ADAMTS17: variants seen among roughly 807,000 people sequenced by gnomAD.
ADAMTS17 encodes the protein A disintegrin and metalloproteinase with thrombospondin motifs 17.
In ADAMTS17, 113 loss-of-function variants were observed where a neutral mutation model predicts 141.5. The observed-to-expected ratio is 0.80, with a 90% CI of 0.69 to 0.93. The LOEUF is 0.93. Ranked by LOEUF, ADAMTS17 falls within the 40% of genes least tolerant of loss-of-function variation. The pLI is 0.00. For synonymous variants in ADAMTS17, 768 were observed against 630.6 expected, an observed-to-expected ratio of 1.22 and a Z score of -3.27; for missense variants, 1,659 against 1,517.9, an observed-to-expected ratio of 1.09 and a Z score of -1.54.
chr15:100,325,054 C>T (rs1203137099), intron 3 of ADAMTS17, among the ~76,000 whole-genome samples: 1 of 152,174 alleles, frequency 6.6e-6, no homozygotes, highest in East Asian at 1.9e-4. Context: ...CTTCTAGTTT[C>T]CTGTAAATGT....
At chr15:100,066,531 G>A (rs2033542770) in intron 15 of ADAMTS17, among the ~76,000 whole-genome samples, 1 of 152,040 alleles carries the variant, frequency 6.6e-6, no homozygotes, top group Non-Finnish European at 1.5e-5. Context: ...GTCCTTTAGT[G>A]TAGGTCTCTT....
intron 3 of ADAMTS17, chr15:100,306,047 G>A (rs980607066): frequency 6.2e-6 from 1 of 160,582 alleles, no homozygotes; most frequent in African/African-American, 2.4e-5. Flanking sequence ...AATGTCCAAA[G>A]CTGGGCTGAA....
intron 8 of ADAMTS17, among the ~76,000 whole-genome samples, chr15:100,156,898 G>T (rs1314808082): frequency 6.6e-6 from 1 of 152,232 alleles, no homozygotes; most frequent in Non-Finnish European, 1.5e-5. Context: ...TGAGGAAAGT[G>T]TATTAGTCCA....
intron 6 of ADAMTS17, among the ~76,000 whole-genome samples, chr15:100,259,431 G>T (rs2043439917): frequency 6.6e-6 from 1 of 152,232 alleles, no homozygotes; most frequent in South Asian, 2.1e-4. Context: ...CCTCTGGCCA[G>T]TGAGTGTGGG....
chr15:100,123,124 C>T (rs4316738), intron 12 of ADAMTS17, among the ~76,000 whole-genome samples: 71,750 of 151,994 alleles, frequency 0.47, 18,279 homozygotes, highest in Non-Finnish European at 0.56. Flanking sequence ...GAAGCCTGAA[C>T]TGTGTGGACA....
chr15:100,258,654 G>A (rs1349222385), intron 6 of ADAMTS17, among the ~76,000 whole-genome samples: 2 of 33,530 alleles, frequency 6.0e-5, no homozygotes, highest in African/African-American at 2.9e-4. Flanking sequence ...CTGCCCCCAC[G>A]ATTCTATTGG....
intron 12 of ADAMTS17, among the ~76,000 whole-genome samples, chr15:100,126,781 G>T (rs1365660786): frequency 1.3e-5 from 2 of 152,204 alleles, no homozygotes; most frequent in Non-Finnish European, 2.9e-5. Context: ...TGGAGTGGCC[G>T]CTCTGCTGTG....
chr15:100,254,331 G>C, intron 6 of ADAMTS17, 152 bp from the exon 7 acceptor site: 1 of 733,044 alleles, frequency 1.4e-6, no homozygotes, highest in Non-Finnish European at 2.3e-6. Context: ...GCAGCGTTTG[G>C]CAACAGTAAT....
At chr15:100,167,393 G>A (rs182440923) in intron 8 of ADAMTS17, among the ~76,000 whole-genome samples, 2 of 152,278 alleles carry the variant, frequency 1.3e-5, no homozygotes, top group East Asian at 1.9e-4. Flanking sequence ...GACTCTTCAC[G>A]TGATCTTAAT....
At chr15:100,100,812 C>T (rs1466008930) in intron 14 of ADAMTS17, among the ~76,000 whole-genome samples, 1 of 152,152 alleles carries the variant, frequency 6.6e-6, no homozygotes, top group African/African-American at 2.4e-5. Flanking sequence ...TCAGAAACGT[C>T]CGCACATATG....
intron 20 of ADAMTS17, among the ~76,000 whole-genome samples, chr15:99,984,128 T>C (rs1023408442): frequency 6.6e-6 from 1 of 152,106 alleles, no homozygotes; most frequent in Non-Finnish European, 1.5e-5. Flanking sequence ...CCCTCCTTCC[T>C]CTGAATTCGC....
chr15:100,140,488 C>CATATATATATATAT lies in ADAMTS17; in HGVS notation c.1474-7187_1474-7174dup, dbSNP rs60035034. ...ACACACAGACACACACACATACATA[C>CATATATATATATAT]ATATATATATATATATATATCCAGT... On this transcript the variant is annotated intron_variant, in intron 10 of 21. Coordinates refer to ENST00000268070, the MANE Select transcript of ADAMTS17 (RefSeq NM_139057.4). 9.4e-3 allele frequency among the ~76,000 whole-genome samples: 1,173 copies of CATATATATATATAT among 124,930 alleles called. 27 individuals carry two copies. The highest frequency in any genetic ancestry group is 0.021 in the African/African-American group (732 of 35,304). 82.0% of individuals were successfully genotyped at this position (124,930 alleles called of 152,430 possible).
intron 3 of ADAMTS17, among the ~76,000 whole-genome samples, chr15:100,291,805 C>T (rs934769228): frequency 1.3e-5 from 2 of 152,084 alleles, no homozygotes; most frequent in Non-Finnish European, 2.9e-5. Flanking sequence ...CACATGGCCA[C>T]AAAGAAGTGA....
intron 15 of ADAMTS17, among the ~76,000 whole-genome samples, chr15:100,082,558 T>C (rs2034816184): frequency 6.6e-6 from 1 of 151,954 alleles, no homozygotes; most frequent in Admixed American, 6.6e-5. Context: ...CCTGATTTTT[T>C]TGTATTTTTT....
At chr15:100,138,959 C>T (rs573227426) in intron 10 of ADAMTS17, among the ~76,000 whole-genome samples, 15 of 152,146 alleles carry the variant, frequency 9.9e-5, no homozygotes, top group Admixed American at 4.6e-4. Context: ...AGTGATTTCC[C>T]GGTAATAGGG....
chr15:100,123,002 G>T (rs113738970), intron 12 of ADAMTS17, among the ~76,000 whole-genome samples: 3 of 152,214 alleles, frequency 2.0e-5, no homozygotes, highest in African/African-American at 7.2e-5. Flanking sequence ...GAATCCTTGT[G>T]GGGGAGGGTG....
At chr15:100,166,641 C>T (rs971369075) in intron 8 of ADAMTS17, among the ~76,000 whole-genome samples, 5 of 152,278 alleles carry the variant, frequency 3.3e-5, no homozygotes, top group Admixed American at 6.5e-5. Context: ...AAAGACCTGA[C>T]AATAATTATT....
At chr15:100,243,798 AAAAAAGAAAG>A (rs1219982232) in intron 7 of ADAMTS17, among the ~76,000 whole-genome samples, 1 of 87,912 alleles carries the variant, frequency 1.1e-5, no homozygotes, top group African/African-American at 4.3e-5. Flanking sequence ...TTAAAAAAAA[AAAAAAGAAAG>A]AAAAGAAAAA....
intron 4 of ADAMTS17, 87 bp downstream of exon 4, chr15:100,281,142 G>C: frequency 6.4e-7 from 1 of 1,550,880 alleles, no homozygotes; most frequent in Non-Finnish European, 8.8e-7. Context: ...CCTCACTTGA[G>C]GAGATGAGGA....
Sources: gnomAD v4.1 joint callset for allele counts (sites outside exome capture counted in the v4.1 genomes callset) on GRCh38, gnomAD v4.1.1 for gene constraint, MANE v1.5 for transcripts, NCBI Gene and HGNC (gene_info 2026-07-23, HGNC 2026-07-21) for gene names.